The following USH2A variants were observed in gnomAD, a reference collection of about 807,000 sequenced individuals.
USH2A encodes usherin.
Under a neutral mutation model 538.9 loss-of-function variants are expected in USH2A, and 443 were observed. The ratio of observed to expected loss-of-function variants is 0.82; its 90% CI spans 0.76 to 0.89. The LOEUF is 0.89. Among genes scored for constraint, USH2A ranks in the 40% least tolerant of loss-of-function variants. The pLI, the probability that USH2A is intolerant of heterozygous loss-of-function variation, is 0.00. For missense variants in USH2A, 6,633 were observed against 6,324.8 expected, an observed-to-expected ratio of 1.05 and a Z score of -1.65; for synonymous variants, 2,413 against 2,273.5, an observed-to-expected ratio of 1.06 and a Z score of -1.75.
intron 21 of USH2A, among the ~76,000 whole-genome samples, chr1:216,135,782 C>A (rs74887032): frequency 5.1e-4 from 77 of 152,052 alleles, no homozygotes; most frequent in African/African-American, 1.7e-3. Context: ...TAAGCCTTAA[C>A]AATATAAGAA....
intron 3 of USH2A, among the ~76,000 whole-genome samples, chr1:216,372,121 T>TACTAGTTTG (rs997475201): frequency 2.0e-5 from 3 of 152,236 alleles, no homozygotes; most frequent in African/African-American, 7.2e-5. Context: ...GTGCACCTGC[T>TACTAGTTTG]ACTAGTTTGA....
At chr1:215,835,006 TA>T (rs879490436) in intron 47 of USH2A, among the ~76,000 whole-genome samples, 6 of 151,888 alleles carry the variant, frequency 4.0e-5, no homozygotes, top group South Asian at 2.1e-4. Flanking sequence ...GTTATTTATT[TA>T]TTTTTTTAAG....
intron 58 of USH2A, among the ~76,000 whole-genome samples, chr1:215,757,577 T>C (rs1265772599): frequency 6.6e-6 from 1 of 152,208 alleles, no homozygotes; most frequent in East Asian, 1.9e-4. Flanking sequence ...AAAAATAAAG[T>C]CACATAATTT....
rs1022817080 is a variant in USH2A, at chr1:216,257,639, C to T, written c.1972-6541G>A. On this transcript the variant is annotated intron_variant, in intron 11 of 71. Transcript: ENST00000307340. ...AATTATTTGAATATTTTTTATATTCCCACCTCCACCCCACCATTCCTTTAG... is the reference window on the plus strand; with the variant it reads ...AATTATTTGAATATTTTTTATATTCTCACCTCCACCCCACCATTCCTTTAG... 2.6e-5 allele frequency among the ~76,000 whole-genome samples: 4 copies of T among 151,534 alleles called. 1 individual carries two copies. The highest frequency in any genetic ancestry group is 2.6e-4 in the Admixed American group (4 of 15,180).
intron 32 of USH2A, among the ~76,000 whole-genome samples, chr1:216,009,532 C>T (rs1287083023): frequency 6.6e-6 from 1 of 152,138 alleles, no homozygotes; most frequent in Non-Finnish European, 1.5e-5. Context: ...TCGGTCCCTT[C>T]CTAGTCTCTG....
chr1:215,647,034 G>A (rs935371171), intron 67 of USH2A, among the ~76,000 whole-genome samples: 3 of 152,160 alleles, frequency 2.0e-5, no homozygotes, highest in Non-Finnish European at 4.4e-5. Flanking sequence ...TATTTCCATC[G>A]TTAAGCGATG....
chr1:216,146,800 A>C (rs2033715956), intron 21 of USH2A, among the ~76,000 whole-genome samples: 1 of 151,854 alleles, frequency 6.6e-6, no homozygotes, highest in Non-Finnish European at 1.5e-5. Flanking sequence ...CTCCTTCACT[A>C]TGGGCAACCT....
chr1:216,293,890 A>T (rs1571670847), intron 9 of USH2A, among the ~76,000 whole-genome samples: 1 of 152,344 alleles, frequency 6.6e-6, no homozygotes, highest in East Asian at 1.9e-4. Flanking sequence ...GCCAGCAGCA[A>T]TGTTTGTTTA....
chr1:215,972,320 CTT>C (rs1457925998), intron 35 of USH2A, among the ~76,000 whole-genome samples: 1 of 152,282 alleles, frequency 6.6e-6, no homozygotes, highest in South Asian at 2.1e-4. Context: ...AGAAGCATCT[CTT>C]CTGCATTTTC....
rs141368293 is a variant in USH2A, at chr1:215,903,056, G to T, written c.7301-2151C>A. Among the ~76,000 whole-genome samples the T allele has an allele frequency of 2.6e-4, 39 of 152,202 alleles. No individual in the cohort carries two copies. The East Asian group carries it at 6.8e-3, about 26-fold the overall frequency. On this transcript the variant is annotated intron_variant, in intron 38 of 71. Coordinates refer to ENST00000307340, the MANE Select transcript of USH2A (RefSeq NM_206933.4). ...TGAGGTCAGGAGGAGGCCTCTCTAG[G>T]AAAGGATACTGAGAAGGAATGGTCA...
Position 216,324,454 on chromosome 1 carries a change from A to C in USH2A, c.1144-102T>G, listed in dbSNP as rs1210006075. 2.7e-6 allele frequency: 3 copies of C among 1,115,286 alleles called. No homozygotes were observed. In the Admixed American group the frequency reaches 7.0e-5, roughly 26 times the overall value. The allele number at this position is 1,115,286 out of a possible 1,614,324, so 69.1% of individuals were successfully genotyped here. On this transcript the variant is annotated intron_variant, in intron 6 of 71. Transcript: ENST00000307340. ...AGATTCAAATATATTGGCTCACTTC[A>C]TCATAATTATAGTTATCAAATATGT...
chr1:215,771,739 G>T (rs1661295175), intron 55 of USH2A, among the ~76,000 whole-genome samples: 1 of 151,648 alleles, frequency 6.6e-6, no homozygotes, highest in Non-Finnish European at 1.5e-5. Context: ...AGACTATTTG[G>T]GTTCTAATAC....
At chr1:216,331,819 A>G (rs2037868988) in intron 4 of USH2A, among the ~76,000 whole-genome samples, 1 of 152,174 alleles carries the variant, frequency 6.6e-6, no homozygotes, top group Admixed American at 6.6e-5. Context: ...AAACTATAAG[A>G]CATTGAGGAA....
At chr1:215,668,324 A>G (rs1657696103) in intron 64 of USH2A, among the ~76,000 whole-genome samples, 1 of 152,244 alleles carries the variant, frequency 6.6e-6, no homozygotes, top group Admixed American at 6.5e-5. Flanking sequence ...GGGTCCACAT[A>G]GACTCAATAT....
intron 47 of USH2A, among the ~76,000 whole-genome samples, chr1:215,825,859 T>A (rs1296454053): frequency 6.6e-6 from 1 of 152,152 alleles, no homozygotes; most frequent in Admixed American, 6.6e-5. Context: ...TATTATAAAT[T>A]GTAGTAGGTA....
chr1:216,069,215 A>C (rs1285065949), intron 30 of USH2A, among the ~76,000 whole-genome samples: 2 of 152,118 alleles, frequency 1.3e-5, no homozygotes, highest in African/African-American at 4.8e-5. Context: ...TTTGATAAGG[A>C]GGGTAAAATA....
intron 32 of USH2A, among the ~76,000 whole-genome samples, chr1:216,038,843 C>T (rs2030125231): frequency 6.6e-6 from 1 of 151,970 alleles, no homozygotes; most frequent in Non-Finnish European, 1.5e-5. Flanking sequence ...GGACATATTC[C>T]GTTATCTTTC....
At chr1:216,096,957 G>A in intron 22 of USH2A, 126 bp downstream of exon 22, 5 of 1,008,286 alleles carry the variant, frequency 5.0e-6, no homozygotes, top group Non-Finnish European at 7.3e-6. Flanking sequence ...GGCAAAATGG[G>A]GATAATAATA....
chr1:216,007,346 G>T (rs1475175549), intron 32 of USH2A, among the ~76,000 whole-genome samples: 1 of 151,564 alleles, frequency 6.6e-6, no homozygotes, highest in Non-Finnish European at 1.5e-5. Flanking sequence ...TGGTCAGGAG[G>T]CAGAAAAAAA....
Sources: gnomAD v4.1 joint callset for allele counts (sites outside exome capture counted in the v4.1 genomes callset) on GRCh38, gnomAD v4.1.1 for gene constraint, MANE v1.5 for transcripts, NCBI Gene and HGNC (gene_info 2026-07-23, HGNC 2026-07-21) for gene names.